The following TBX15 variants were observed in gnomAD, a reference collection of about 807,000 sequenced individuals.
TBX15 encodes T-box transcription factor TBX15.
A neutral mutation model predicts 53.9 loss-of-function variants in TBX15; 18 were observed. That is an observed-to-expected ratio of 0.33 (90% CI 0.23 to 0.49). The LOEUF (loss-of-function observed/expected upper bound fraction) is 0.49, where lower values mean the gene tolerates loss of function less well. TBX15 is among the 20% of genes least tolerant of loss of function. TBX15 has a pLI of 0.98. For missense variants in TBX15, 692 were observed against 749.5 expected, an observed-to-expected ratio of 0.92 and a Z score of 0.90; for synonymous variants, 295 against 278.0, an observed-to-expected ratio of 1.06 and a Z score of -0.61.
At chr1:118,893,196 A>C (rs1233669393) in intron 7 of TBX15, among the ~76,000 whole-genome samples, 1 of 150,898 alleles carries the variant, frequency 6.6e-6, no homozygotes, top group Non-Finnish European at 1.5e-5. Flanking sequence ...CCGAGATGGT[A>C]CCACTGCACT....
At chr1:118,983,176 G>GT (rs1657702870) in intron 1 of TBX15, among the ~76,000 whole-genome samples, 1 of 152,126 alleles carries the variant, frequency 6.6e-6, no homozygotes, top group African/African-American at 2.4e-5. Context: ...GGAACCTAGG[G>GT]TGGGAAGGGA....
Position 118,987,603 on chromosome 1 carries a change from C to G in TBX15, c.193G>C (p.Glu65Gln), listed in dbSNP as rs1015752355. The G allele has an allele frequency of 1.3e-6, 2 of 1,547,916 alleles. No individual in the cohort carries two copies. The highest frequency in any genetic ancestry group is 1.7e-6 in the Non-Finnish European group (2 of 1,146,710). ...DTEDAAAHGL[E>Q]PHPDSEQSTG... Reference sequence around the variant, plus strand: ...GCGACGCACTCACCCGGGTGAGGCTCCAGGCCGTGTGCCGCCGCGTCCTCC... The same window carrying G: ...GCGACGCACTCACCCGGGTGAGGCTGCAGGCCGTGTGCCGCCGCGTCCTCC... Residue 65 changes from glutamate (E) to glutamine (Q), a missense_variant, in exon 1 of 8, where the codon GAG becomes CAG. Transcript: ENST00000369429.
At chr1:118,926,859 C>T (rs1571180613) in intron 2 of TBX15, among the ~76,000 whole-genome samples, 1 of 143,926 alleles carries the variant, frequency 6.9e-6, no homozygotes, top group African/African-American at 2.6e-5. Flanking sequence ...GCATGAGCCA[C>T]CACGCCCAGC....
At chr1:118,969,939 G>A (rs1422192605) in intron 1 of TBX15, among the ~76,000 whole-genome samples, 2 of 152,190 alleles carry the variant, frequency 1.3e-5, no homozygotes, top group Non-Finnish European at 2.9e-5. Context: ...GTTGGGAGAG[G>A]GACCTGATGG....
At chr1:118,987,565 C>T (rs1657881968) in intron 1 of TBX15, 26 bp downstream of exon 1, 1 of 1,536,902 alleles carries the variant, frequency 6.5e-7, no homozygotes, top group Non-Finnish European at 8.7e-7. Context: ...CCGCCCGCCT[C>T]CCGCGGTCGG....
At chr1:118,904,493 A>G (rs115700923) in intron 6 of TBX15, among the ~76,000 whole-genome samples, 31 of 152,320 alleles carry the variant, frequency 2.0e-4, no homozygotes, top group African/African-American at 7.2e-4. Context: ...GTTAAATAGT[A>G]CCATAAGTAT....
intron 7 of TBX15, among the ~76,000 whole-genome samples, chr1:118,892,475 G>C (rs113466560): frequency 4.2e-4 from 64 of 152,286 alleles, no homozygotes; most frequent in African/African-American, 1.5e-3. Context: ...GAAGATAAAA[G>C]AGGAGTGTCT....
chr1:118,969,460 C>T (rs1251213852), intron 1 of TBX15, among the ~76,000 whole-genome samples: 1 of 152,186 alleles, frequency 6.6e-6, no homozygotes, highest in African/African-American at 2.4e-5. Flanking sequence ...TATATATCCT[C>T]AGAAAGCAGT....
intron 6 of TBX15, among the ~76,000 whole-genome samples, chr1:118,903,717 GA>G (rs1029608425): frequency 2.6e-5 from 4 of 151,978 alleles, no homozygotes; most frequent in Non-Finnish European, 4.4e-5. Context: ...TATCCAACCA[GA>G]AAAAAATACT....
intron 1 of TBX15, among the ~76,000 whole-genome samples, chr1:118,954,707 G>A (rs759228927): frequency 3.9e-5 from 6 of 152,202 alleles, no homozygotes; most frequent in Non-Finnish European, 7.3e-5. Flanking sequence ...GGCAAGAATG[G>A]CCTGCCAGCC....
intron 1 of TBX15, among the ~76,000 whole-genome samples, chr1:118,961,875 C>T (rs1656889530): frequency 6.6e-6 from 1 of 152,320 alleles, no homozygotes; most frequent in Admixed American, 6.5e-5. Flanking sequence ...ATAAGACCCT[C>T]TCCTATAATC....
intron 1 of TBX15, among the ~76,000 whole-genome samples, chr1:118,953,589 T>C (rs1446272847): frequency 6.6e-6 from 1 of 152,244 alleles, no homozygotes; most frequent in Non-Finnish European, 1.5e-5. Flanking sequence ...GGAAGTGAGA[T>C]GAGAAGGGCC....
intron 1 of TBX15, among the ~76,000 whole-genome samples, chr1:118,981,386 T>G (rs1657649144): frequency 6.6e-6 from 1 of 151,830 alleles, no homozygotes; most frequent in African/African-American, 2.4e-5. Context: ...AATTCAGAAC[T>G]GATATTTTGA....
chr1:118,892,006 G>A (rs1376556837), intron 7 of TBX15, among the ~76,000 whole-genome samples: 4 of 152,166 alleles, frequency 2.6e-5, no homozygotes, highest in Non-Finnish European at 4.4e-5. Context: ...AAAGCTGGAA[G>A]AGAGAGAAAT....
At position 118,924,709 on chromosome 1, in the gene TBX15, C is replaced by T; in HGVS notation, c.630G>A (p.Met210Ile). ...PDSLASGDTWMRQVVSFDKLK... is the reference protein window; with the variant it reads ...PDSLASGDTWIRQVVSFDKLK... The stretch of plus-strand genomic sequence containing the variant: ...GTTTGTCAAAACTGACCACCTGTCT[C>T]ATCCAGGTGTCTCCAGAAGCTAGAG... The change falls in exon 4 of 8, where the codon ATG becomes ATA. Residue 210 changes from methionine to isoleucine, a missense_variant. Physicochemically the swap from Met to Ile is conservative, Grantham distance 10. Around this residue, in one of 3 missense-constraint regions of TBX15, gnomAD observed 307 missense variants for 347.5 expected, o/e 0.88. Coordinates refer to ENST00000369429, the MANE Select transcript of TBX15 (RefSeq NM_001330677.2). The T allele has an allele frequency of 2.5e-6, 4 of 1,614,052 alleles. No homozygotes were observed. The highest frequency in any genetic ancestry group is 3.4e-6 in the Non-Finnish European group (4 of 1,179,978).
At chr1:118,910,901 G>T (rs1419168228) in intron 6 of TBX15, among the ~76,000 whole-genome samples, 2 of 152,194 alleles carry the variant, frequency 1.3e-5, no homozygotes, top group African/African-American at 4.8e-5. Flanking sequence ...TGATAAAGAA[G>T]TCATGGGGAG....
At chr1:118,987,041 G>A (rs1239753268) in intron 1 of TBX15, among the ~76,000 whole-genome samples, 1 of 152,218 alleles carries the variant, frequency 6.6e-6, no homozygotes, top group East Asian at 1.9e-4. Context: ...GGAGTAAGGG[G>A]TCTAACATCC....
At chr1:118,927,341 C>T (rs1394645813) in intron 2 of TBX15, among the ~76,000 whole-genome samples, 1 of 152,194 alleles carries the variant, frequency 6.6e-6, no homozygotes, top group African/African-American at 2.4e-5. Context: ...AGTATAGCAA[C>T]TTACACTCTT....
chr1:118,893,356 G>A (rs28392764), intron 7 of TBX15, among the ~76,000 whole-genome samples: 599 of 50,894 alleles, frequency 0.012, 9 homozygotes, highest in African/African-American at 0.021. Flanking sequence ...AAGGAAGGAA[G>A]GAAAGAAAGA....
Sources: gnomAD v4.1 joint callset for allele counts (sites outside exome capture counted in the v4.1 genomes callset) on GRCh38, gnomAD v4.1.1 for gene constraint, gnomAD v4.1.1 regional missense constraint, MANE v1.5 for transcripts, NCBI Gene and HGNC (gene_info 2026-07-23, HGNC 2026-07-21) for gene names.